Variants in DTX1 observed in about 807,000 individuals in gnomAD.
The protein encoded by DTX1 is deltex E3 ubiquitin ligase 1, also known as E3 ubiquitin-protein ligase DTX1.
DTX1 carries 26 observed loss-of-function variants against 57.8 expected under a neutral mutation model. The observed-to-expected ratio is 0.45, with a 90% CI of 0.33 to 0.62. The LOEUF is 0.62. DTX1 is among the 20% of genes least tolerant of loss of function. The pLI is 0.02. For synonymous variants in DTX1, 398 were observed against 394.1 expected, an observed-to-expected ratio of 1.01 and a Z score of -0.12; for missense variants, 704 against 895.3, an observed-to-expected ratio of 0.79 and a Z score of 2.73.
At chr12:113,064,835 C>T (rs766404906) in intron 2 of DTX1, among the ~76,000 whole-genome samples, 2 of 152,248 alleles carry the variant, frequency 1.3e-5, no homozygotes, top group Non-Finnish European at 2.9e-5. Context: ...GGCAGATGCA[C>T]GGTGCCTTCA....
At position 113,095,135 on chromosome 12, in the gene DTX1, C is replaced by G. The variant is rs755003776; in HGVS notation, c.1480C>G (p.His494Asp). The change falls in exon 8 of 10, where the codon CAC (histidine) becomes GAC (aspartate). Residue 494 changes from histidine to aspartate, a missense_variant. Transcript: ENST00000548759. ...GAAGATGGAGTTCCACCTCATCCCC[C>G]ACTCGCTGCCCGGCTTCCCTGATAC... ...PGKMEFHLIP[H>D]SLPGFPDTQT... is the part of the protein sequence containing the mutation. The G allele has an allele frequency of 8.1e-6, 13 of 1,613,562 alleles. No homozygotes were observed. Among genetic ancestry groups the G allele is most frequent in the Non-Finnish European group, 9.3e-6 (11 of 1,179,622 alleles).
Position 113,078,037 on chromosome 12 carries a change from G to A in DTX1, c.873G>A (p.Gln291=), listed in dbSNP as rs1184319144. ...GAPGGARTPG[Q]NNLNRPGPQR... The stretch of plus-strand genomic sequence containing the variant: ...CCGGCGGAGCGCGCACCCCGGGGCA[G>A]AACAACCTCAACCGGCCCGGGCCCC... Residue 291 remains glutamine, a synonymous_variant, in exon 3 of 10, where the codon CAG becomes CAA. Transcript: ENST00000548759. 1.9e-5 allele frequency: 25 copies of A among 1,330,154 alleles called. No homozygotes were observed. The highest frequency in any genetic ancestry group is 3.1e-5 in the African/African-American group (2 of 64,834). The allele number at this position is 1,330,154 out of a possible 1,614,324, so 82.4% of individuals were successfully genotyped here. A position where few individuals can be genotyped will look rare whatever the true frequency, so the allele number is the denominator to read the frequency against.
Position 113,057,999 on chromosome 12 carries a change from T to G in DTX1, c.-194T>G. 1 of 857,196 alleles carries G rather than the reference T, an allele frequency of 1.2e-6. No individual in the cohort carries two copies. The highest frequency in any genetic ancestry group is 3.6e-4 in the Middle Eastern group (1 of 2,754). 53.1% of individuals were successfully genotyped at this position (857,196 alleles called of 1,614,324 possible). A position where few individuals can be genotyped will look rare whatever the true frequency, so the allele number is the denominator to read the frequency against. ...GAGAAGGCTCTACAGGGAAGGGGTCTTTGCAGCCTGGATGGCCATCCCACA... is the reference window on the plus strand; with the variant it reads ...GAGAAGGCTCTACAGGGAAGGGGTCGTTGCAGCCTGGATGGCCATCCCACA... On this transcript the variant is annotated 5_prime_UTR_variant, in exon 2 of 10. Transcript: ENST00000548759.
At chr12:113,064,363 C>G (rs563375597) in intron 2 of DTX1, among the ~76,000 whole-genome samples, 2 of 152,318 alleles carry the variant, frequency 1.3e-5, no homozygotes, top group East Asian at 1.9e-4. Context: ...ACTCCAGAAG[C>G]CTGTTTTGAA....
chr12:113,065,503 TCTC>T (rs2044698092), intron 2 of DTX1, among the ~76,000 whole-genome samples: 1 of 151,986 alleles, frequency 6.6e-6, no homozygotes, highest in African/African-American at 2.4e-5. Context: ...TCCCTCTCCT[TCTC>T]CTCCCCTCAC....
chr12:113,072,032 A>T (rs530996358), intron 2 of DTX1, among the ~76,000 whole-genome samples: 2 of 152,298 alleles, frequency 1.3e-5, no homozygotes, highest in South Asian at 4.1e-4. Flanking sequence ...GCCAACGCTG[A>T]TGTTGAGAAT....
Position 113,097,112 on chromosome 12 carries a change from C to A in DTX1, c.*173C>A. On this transcript the variant is annotated 3_prime_UTR_variant, in exon 10 of 10. Coordinates refer to ENST00000548759, the MANE Select transcript of DTX1 (RefSeq NM_004416.3). ...GCTGGGATGAAGAGAGATGGCATGT[C>A]AGGCTGGCCCCGAATCATAGCTCCC... is the stretch of plus-strand genomic sequence containing the variant. The A allele has an allele frequency of 1.4e-6, 1 of 701,294 alleles. No homozygotes were observed. Among genetic ancestry groups the A allele is most frequent in the Non-Finnish European group, 2.3e-6 (1 of 431,588 alleles). The allele number at this position is 701,294 out of a possible 1,614,324, so 43.4% of individuals were successfully genotyped here.
At chr12:113,062,590 G>A (rs755350817) in intron 2 of DTX1, among the ~76,000 whole-genome samples, 18 of 152,272 alleles carry the variant, frequency 1.2e-4, no homozygotes, top group Admixed American at 6.5e-4. Flanking sequence ...GGGTAAGACC[G>A]TGCTGGTGCC....
At position 113,094,783 on chromosome 12, in the gene DTX1, C is replaced by T. The variant is rs770176972; in HGVS notation, c.1228-6C>T. On this transcript the variant is annotated splice_region_variant and splice_polypyrimidine_tract_variant and intron_variant, in intron 6 of 9. Transcript: ENST00000548759. Reference sequence around the variant, plus strand: ...AGTCCTCAGTCTCCCCTGCTGCCACCTGCAGGACTGCACCATCTGCATGGA... The same window carrying T: ...AGTCCTCAGTCTCCCCTGCTGCCACTTGCAGGACTGCACCATCTGCATGGA... 12 of 1,612,350 alleles carry T rather than the reference C, an allele frequency of 7.4e-6. No homozygotes were observed. Among genetic ancestry groups the T allele is most frequent in the Admixed American group, 1.7e-5 (1 of 59,964 alleles).
chr12:113,083,793 C>T (rs1289022749), intron 3 of DTX1, among the ~76,000 whole-genome samples: 1 of 152,206 alleles, frequency 6.6e-6, no homozygotes, highest in African/African-American at 2.4e-5. Flanking sequence ...CTTTCCTTCC[C>T]TGGCTTCCTT....
At position 113,094,131 on chromosome 12, in the gene DTX1, C is replaced by A. The variant is rs995793764; in HGVS notation, c.1227+32C>A. 3.5e-6 allele frequency: 5 copies of A among 1,423,458 alleles called. No homozygotes were observed. In the African/African-American group the frequency reaches 7.1e-5, roughly 20 times the overall value. 88.2% of individuals were successfully genotyped at this position (1,423,458 alleles called of 1,614,324 possible). A position where few individuals can be genotyped will look rare whatever the true frequency, so the allele number is the denominator to read the frequency against. ...AGGGGATGGGGGGGCTGGGGGAGGG[C>A]CCTGGCATGGAGGGGGCAGGAACCC... is the stretch of plus-strand genomic sequence containing the variant. On this transcript the variant is annotated intron_variant, in intron 6 of 9. Coordinates refer to ENST00000548759, the MANE Select transcript of DTX1 (RefSeq NM_004416.3).
intron 9 of DTX1, among the ~76,000 whole-genome samples, chr12:113,096,270 G>A (rs1272053371): frequency 3.3e-5 from 5 of 150,734 alleles, no homozygotes; most frequent in South Asian, 4.2e-4. Context: ...TGGGGAGGCC[G>A]AGGTGGGAGG....
chr12:113,091,902 G>A lies in DTX1; in HGVS notation c.942-1260G>A, dbSNP rs117006174. Among the ~76,000 whole-genome samples, 38 of 152,248 alleles carry A rather than the reference G, an allele frequency of 2.5e-4. No individual in the cohort carries two copies. The East Asian group carries it at 4.4e-3, about 18-fold the overall frequency. On this transcript the variant is annotated intron_variant, in intron 3 of 9. Transcript: ENST00000548759. ...TCAGAACACCCCTCTTCATCAGAAC[G>A]TATCCAGCCTGGGTTCCATGCCCAT... is the stretch of plus-strand genomic sequence containing the variant.
chr12:113,082,702 C>G (rs2044827558), intron 3 of DTX1, among the ~76,000 whole-genome samples: 1 of 152,158 alleles, frequency 6.6e-6, no homozygotes, highest in Non-Finnish European at 1.5e-5. Context: ...CTCAAGAAAT[C>G]CTCCTGATTC....
Position 113,097,997 on chromosome 12 carries a change from G to A in DTX1, c.*1058G>A, listed in dbSNP as rs1314608066. ...TTTCAAAACCTACCAGTCCCACTGT[G>A]GGTGGAGAAATAAATGGTCTTTCTC... On this transcript the variant is annotated 3_prime_UTR_variant, in exon 10 of 10. Transcript: ENST00000548759. 1 of 152,708 alleles carries A rather than the reference G, an allele frequency of 6.5e-6. No homozygotes were observed. The highest frequency in any genetic ancestry group is 2.4e-5 in the African/African-American group (1 of 41,452). 9.5% of individuals were successfully genotyped at this position (152,708 alleles called of 1,614,324 possible).
chr12:113,096,396 C>T (rs182911752), intron 9 of DTX1, among the ~76,000 whole-genome samples: 1 of 124,504 alleles, frequency 8.0e-6, no homozygotes. Flanking sequence ...GCTCTGGTTG[C>T]ACTGCTGCAC....
chr12:113,077,578 G>A lies in DTX1; in HGVS notation c.414G>A (p.Pro138=). 1.2e-6 allele frequency: 2 copies of A among 1,613,742 alleles called. No homozygotes were observed. Among genetic ancestry groups the A allele is most frequent in the Admixed American group, 1.7e-5 (1 of 60,012 alleles). Residue 138 remains proline (P), a synonymous_variant, in exon 3 of 10, where the codon CCG becomes CCA. Transcript: ENST00000548759. The surrounding 1 kb of genome is among the most constrained non-coding windows in gnomAD (Gnocchi z 7.8). ...TIQNAYEKQH[P]WLDLSSLGFC... ...AGAACGCCTACGAGAAGCAGCACCC[G>A]TGGCTCGACCTCTCATCGCTAGGCT...
chr12:113,076,187 G>A (rs992213668), intron 2 of DTX1, among the ~76,000 whole-genome samples: 12 of 152,058 alleles, frequency 7.9e-5, no homozygotes, highest in African/African-American at 1.2e-4. Flanking sequence ...GCCCAGGGGC[G>A]GTGGCTCACA....
rs969755007 is a variant in DTX1, at chr12:113,097,116, C to T, written c.*177C>T. On this transcript the variant is annotated 3_prime_UTR_variant, in exon 10 of 10. Transcript: ENST00000548759. ...GGATGAAGAGAGATGGCATGTCAGGCTGGCCCCGAATCATAGCTCCCTGAG... is the reference window on the plus strand; with the variant it reads ...GGATGAAGAGAGATGGCATGTCAGGTTGGCCCCGAATCATAGCTCCCTGAG... 1.4e-6 allele frequency: 1 copy of T among 694,826 alleles called. No individual in the cohort carries two copies. 43.0% of individuals were successfully genotyped at this position (694,826 alleles called of 1,614,324 possible).
Sources: allele counts gnomAD v4.1 joint callset (sites outside exome capture counted in the v4.1 genomes callset), GRCh38; gene constraint gnomAD v4.1.1; non-coding constraint Gnocchi (gnomAD v3.1); transcripts MANE v1.5; gene names NCBI Gene and HGNC (gene_info 2026-07-23, HGNC 2026-07-21).